SLIT3: variants seen among roughly 807,000 people sequenced by gnomAD.
SLIT3 encodes the protein slit homolog 3 protein.
A neutral mutation model predicts 184.0 loss-of-function variants in SLIT3; 68 were observed. That is an observed-to-expected ratio of 0.37 (90% CI 0.30 to 0.45). The LOEUF is 0.45. Among genes scored for constraint, SLIT3 ranks in the 20% least tolerant of loss-of-function variants. SLIT3 has a pLI of 1.00. For missense variants in SLIT3, 1,707 were observed against 2,026.0 expected (o/e 0.84, Z 3.02); for synonymous variants, 831 against 828.6 (o/e 1.00, Z -0.05).
chr5:168,666,258 A>C lies in SLIT3; in HGVS notation c.*196T>G. The C allele has an allele frequency of 2.1e-6, 1 of 487,308 alleles. No individual in the cohort carries two copies. The highest frequency in any genetic ancestry group is 3.5e-6 in the Non-Finnish European group (1 of 284,608). 30.2% of individuals were successfully genotyped at this position (487,308 alleles called of 1,614,324 possible). A position where few individuals can be genotyped will look rare whatever the true frequency, so the allele number is the denominator to read the frequency against. On this transcript the variant is annotated 3_prime_UTR_variant, in exon 36 of 36. Transcript: ENST00000519560. ...TGGTGTAATATATTTATATAATAAAAGATGAAAATAGTCACTTTCCATAAT... is the reference window on the plus strand; with the variant it reads ...TGGTGTAATATATTTATATAATAAACGATGAAAATAGTCACTTTCCATAAT...
chr5:168,873,342 T>G (rs548855490), intron 5 of SLIT3, among the ~76,000 whole-genome samples: 1 of 151,796 alleles, frequency 6.6e-6, no homozygotes, highest in Non-Finnish European at 1.5e-5. Flanking sequence ...AACAAGATAA[T>G]ACATATGGCC....
chr5:168,672,089 C>G lies in SLIT3; in HGVS notation c.3842-606G>C, dbSNP rs1020034209. Among the ~76,000 whole-genome samples, 33 of 152,176 alleles carry G rather than the reference C, an allele frequency of 2.2e-4. 1 individual carries two copies. The highest frequency in any genetic ancestry group is 1.2e-3 in the Admixed American group (19 of 15,280). ...TGCTTTTCAATAATTTGTATTTTCG[C>G]TCCCCTTCTACACCATTCCCTGCCC... is the stretch of plus-strand genomic sequence containing the variant. On this transcript the variant is annotated intron_variant, in intron 33 of 35. Coordinates refer to ENST00000519560, the MANE Select transcript of SLIT3 (RefSeq NM_003062.4).
At chr5:168,733,404 G>C (rs1265051692) in intron 20 of SLIT3, among the ~76,000 whole-genome samples, 1 of 152,120 alleles carries the variant, frequency 6.6e-6, no homozygotes. Context: ...ACTAAAAATA[G>C]AACTACCATT....
chr5:169,136,601 C>A (rs114210511), intron 4 of SLIT3, among the ~76,000 whole-genome samples: 4 of 152,340 alleles, frequency 2.6e-5, no homozygotes, highest in African/African-American at 9.6e-5. Flanking sequence ...AAACTGCTAA[C>A]CTGACCATCA....
At chr5:168,735,661 TACACACACACAC>T (rs150528782) in intron 20 of SLIT3, among the ~76,000 whole-genome samples, 21,812 of 142,112 alleles carry the variant, frequency 0.15, 2,056 homozygotes, top group Non-Finnish European at 0.22. Context: ...GACAGATAGA[TACACACACACAC>T]ACACACACAC....
intron 4 of SLIT3, among the ~76,000 whole-genome samples, chr5:168,947,608 A>C (rs1466445450): frequency 6.6e-6 from 1 of 152,172 alleles, no homozygotes; most frequent in East Asian, 1.9e-4. Context: ...CAGAGGCACC[A>C]GGGCTGCCAG....
At chr5:168,983,405 C>T (rs139859927) in intron 4 of SLIT3, among the ~76,000 whole-genome samples, 14 of 152,344 alleles carry the variant, frequency 9.2e-5, no homozygotes, top group South Asian at 2.1e-4. Flanking sequence ...CCCTGCAATC[C>T]GTTCCCCTAG....
chr5:168,790,829 C>G (rs1435786454), intron 10 of SLIT3: 1 of 152,192 alleles, frequency 6.6e-6, no homozygotes, highest in Non-Finnish European at 1.5e-5. Context: ...TCTCTCTGAG[C>G]CTGTTTCCTT....
At chr5:168,941,219 C>T (rs1762322476) in intron 4 of SLIT3, among the ~76,000 whole-genome samples, 1 of 152,070 alleles carries the variant, frequency 6.6e-6, no homozygotes, top group South Asian at 2.1e-4. Flanking sequence ...TCCTGTCTAC[C>T]CAGCGTCCTA....
At chr5:169,062,834 A>G (rs1375502953) in intron 4 of SLIT3, among the ~76,000 whole-genome samples, 1 of 152,136 alleles carries the variant, frequency 6.6e-6, no homozygotes, top group Non-Finnish European at 1.5e-5. Flanking sequence ...TGCCTTTCCC[A>G]TATGGAGAAA....
intron 3 of SLIT3, among the ~76,000 whole-genome samples, chr5:169,226,919 GAT>G (rs66878849): frequency 0.035 from 5,356 of 152,238 alleles, 313 homozygotes; most frequent in African/African-American, 0.12. Flanking sequence ...GCCTCAATGA[GAT>G]ATATACTAAG....
chr5:168,708,931 G>A (rs1762459264), intron 25 of SLIT3, among the ~76,000 whole-genome samples: 1 of 152,096 alleles, frequency 6.6e-6, no homozygotes, highest in African/African-American at 2.4e-5. Flanking sequence ...TGGTACCAGG[G>A]GCTCAACCCG....
chr5:168,685,851 C>T lies in SLIT3; in HGVS notation c.3391G>A (p.Gly1131Arg), dbSNP rs778244564. 25 of 1,613,906 alleles carry T rather than the reference C, an allele frequency of 1.5e-5. No homozygotes were observed. Among genetic ancestry groups the T allele is most frequent in the South Asian group, 1.1e-5 (1 of 91,062 alleles). Residue 1131 changes from glycine to arginine, a missense_variant, in exon 31 of 36, where the codon GGG becomes AGG. Physicochemically the swap from Gly to Arg is moderately radical, Grantham distance 125 (BLOSUM62 -2). Coordinates refer to ENST00000519560, the MANE Select transcript of SLIT3 (RefSeq NM_003062.4). ...TGCTGCACCACGATGCACTGGGCCC[C>T]GTTCTGGCACTCGTACTGGTCGCAT... ...SPCDQYECQN[G>R]AQCIVVQQEP...
At chr5:169,213,200 C>T (rs767371745) in intron 3 of SLIT3, among the ~76,000 whole-genome samples, 4 of 152,216 alleles carry the variant, frequency 2.6e-5, no homozygotes, top group Admixed American at 2.0e-4. Flanking sequence ...CATGAGTGAA[C>T]TCCCACTCAC....
intron 4 of SLIT3, among the ~76,000 whole-genome samples, chr5:169,170,164 C>G (rs1159527316): frequency 6.6e-6 from 1 of 152,202 alleles, no homozygotes; most frequent in African/African-American, 2.4e-5. Flanking sequence ...CACATTTGAA[C>G]ACCTCATGCC....
intron 1 of SLIT3, among the ~76,000 whole-genome samples, chr5:169,255,245 A>T (rs1765910624): frequency 6.6e-6 from 1 of 152,158 alleles, no homozygotes; most frequent in South Asian, 2.1e-4. Flanking sequence ...ATTTTAAAAA[A>T]TAGTTAATGG....
intron 4 of SLIT3, among the ~76,000 whole-genome samples, chr5:168,975,753 C>A (rs1346496254): frequency 5.9e-5 from 9 of 152,164 alleles, no homozygotes; most frequent in Non-Finnish European, 1.0e-4. Context: ...CTCTAGAAAC[C>A]TGTTCCTCAC....
chr5:169,193,086 C>T (rs1763610102), intron 4 of SLIT3, among the ~76,000 whole-genome samples: 1 of 152,186 alleles, frequency 6.6e-6, no homozygotes, highest in East Asian at 1.9e-4. Context: ...ATGAGGTTGC[C>T]ATGTTCGGTC....
At chr5:168,870,058 G>A (rs529072180) in intron 5 of SLIT3, among the ~76,000 whole-genome samples, 1 of 152,346 alleles carries the variant, frequency 6.6e-6, no homozygotes, top group African/African-American at 2.4e-5. Context: ...TCTGATACAA[G>A]CCTGCTCTGA....
Sources: gnomAD v4.1 joint callset for allele counts (sites outside exome capture counted in the v4.1 genomes callset) on GRCh38, gnomAD v4.1.1 for gene constraint, MANE v1.5 for transcripts, NCBI Gene and HGNC (gene_info 2026-07-23, HGNC 2026-07-21) for gene names.